Variants in MYH1 observed in about 807,000 individuals in gnomAD.
MYH1 encodes myosin heavy chain 1.
Under a neutral mutation model 225.6 loss-of-function variants are expected in MYH1, and 214 were observed. The observed-to-expected ratio is 0.95, with a 90% CI of 0.85 to 1.06. The LOEUF (loss-of-function observed/expected upper bound fraction) is 1.06, where lower values mean the gene tolerates loss of function less well. Ranked by LOEUF, MYH1 falls within the 50% of genes least tolerant of loss-of-function variation. The probability of loss-of-function intolerance (pLI) is 0.00; values close to 1 mark genes in which losing one functional copy is unlikely to be tolerated. For synonymous variants in MYH1, 774 were observed against 842.3 expected, an observed-to-expected ratio of 0.92 and a Z score of 1.40; for missense variants, 2,098 against 2,344.2, an observed-to-expected ratio of 0.89 and a Z score of 2.17.
Position 10,497,672 on chromosome 17 carries a change from T to C in MYH1, c.4365+62A>G, listed in dbSNP as rs1053864369. On this transcript the variant is annotated intron_variant, in intron 31 of 39. Transcript: ENST00000226207. ...CTCAGATGGTTTGAATTGGGCACAC[T>C]GAAGGTAGCAGGCTATTGTTAATTC... 7.5e-6 allele frequency: 12 copies of C among 1,596,848 alleles called. No homozygotes were observed. The African/African-American group carries it at 1.3e-4, about 18-fold the overall frequency.
Position 10,514,903 on chromosome 17 carries a change from A to G in MYH1, c.506-8T>C. 1 of 1,612,316 alleles carries G rather than the reference A, an allele frequency of 6.2e-7. No individual in the cohort carries two copies. Among genetic ancestry groups the G allele is most frequent in the Non-Finnish European group, 8.5e-7 (1 of 1,178,672 alleles). Reference sequence around the variant, plus strand: ...TAGACTGATTCTCCCGATCTAGAAGAAAAACAGTGGAAAATCAGCATATGT... The same window carrying G: ...TAGACTGATTCTCCCGATCTAGAAGGAAAACAGTGGAAAATCAGCATATGT... On this transcript the variant is annotated splice_polypyrimidine_tract_variant and splice_region_variant and intron_variant, in intron 5 of 39. Coordinates refer to ENST00000226207, the MANE Select transcript of MYH1 (RefSeq NM_005963.4).
At position 10,513,861 on chromosome 17, in the gene MYH1, C is replaced by T; in HGVS notation, c.701G>A (p.Gly234Asp). 1 of 1,614,142 alleles carries T rather than the reference C, an allele frequency of 6.2e-7. No homozygotes were observed. Among genetic ancestry groups the T allele is most frequent in the Non-Finnish European group, 8.5e-7 (1 of 1,180,002 alleles). Reference sequence around the variant, plus strand: ...GTCATTCCTCACGGTCTTGGCGTTGCCAAAGGCCTCCAGTAGGGGGTTGGC... The same window carrying T: ...GTCATTCCTCACGGTCTTGGCGTTGTCAAAGGCCTCCAGTAGGGGGTTGGC... Reference protein sequence around the residue: ...ISANPLLEAFGNAKTVRNDNS... With the variant: ...ISANPLLEAFDNAKTVRNDNS... Residue 234 changes from glycine to aspartate, a missense_variant, in exon 8 of 40, where the codon GGC becomes GAC. Coordinates refer to ENST00000226207, the MANE Select transcript of MYH1 (RefSeq NM_005963.4).
Position 10,496,279 on chromosome 17 carries a change from C to A in MYH1, c.4927G>T (p.Ala1643Ser), listed in dbSNP as rs757040802. ...LNHANRMAAEALRNYRNTQAI... is the reference protein window; with the variant it reads ...LNHANRMAAESLRNYRNTQAI... ...TGGGTGTTCCTATAGTTCCTCAGGGCCTCAGCAGCCATGCGGTTGGCATGG... is the reference window on the plus strand; with the variant it reads ...TGGGTGTTCCTATAGTTCCTCAGGGACTCAGCAGCCATGCGGTTGGCATGG... The change falls in exon 34 of 40, where the codon GCC becomes TCC. Residue 1643 changes from alanine to serine, a missense_variant. Transcript: ENST00000226207. 6.8e-6 allele frequency: 11 copies of A among 1,614,122 alleles called. No homozygotes were observed. The East Asian group carries it at 2.5e-4, about 36-fold the overall frequency.
rs2073011318 is a variant in MYH1 at position 10,497,736 on chromosome 17, T to A, written c.4363A>T (p.Lys1455Ter). ...ALDKKQRNFD[K>*]ILAEWKQKCE... ...GAAGCAAAAACTGGAGAGAATACCT[T>A]ATCAAAGTTCCTTTGCTTTTTGTCC... The change falls in exon 31 of 40, where the codon AAG becomes TAG. Residue 1455 changes from lysine to a stop codon, truncating the protein, a stop_gained and splice_region_variant. Coordinates refer to ENST00000226207, the MANE Select transcript of MYH1 (RefSeq NM_005963.4). LOFTEE classifies it high-confidence loss of function. 1 of 1,613,758 alleles carries A rather than the reference T, an allele frequency of 6.2e-7. No homozygotes were observed. Among genetic ancestry groups the A allele is most frequent in the Non-Finnish European group, 8.5e-7 (1 of 1,179,976 alleles).
Position 10,499,029 on chromosome 17 carries a change from T to C in MYH1, c.3929A>G (p.Gln1310Arg), listed in dbSNP as rs1158696276. The C allele has an allele frequency of 6.2e-7, 1 of 1,614,230 alleles. No homozygotes were observed. Residue 1310 changes from glutamine to arginine, a missense_variant, in exon 29 of 40, where the codon CAA (glutamine) becomes CGA (arginine). Gln to Arg is a conservative substitution (Grantham distance 43). Transcript: ENST00000226207. Reference sequence around the variant, plus strand: ...TTCCTCAATCTGTTGTGTAAAGGCTTGTTTGCCCCTCGAGAGCTGTGAAAC... The same window carrying C: ...TTCCTCAATCTGTTGTGTAAAGGCTCGTTTGCCCCTCGAGAGCTGTGAAAC... ...TLVSQLSRGK[Q>R]AFTQQIEELK... is the part of the protein sequence containing the mutation.
Position 10,498,694 on chromosome 17 carries a change from CT to C in MYH1, c.4112del (p.Glu1371GlyfsTer38), listed in dbSNP as rs1367855240. ...CATATTTGGTCCTCCACTGGGCAAC[CT>C]CACTGTTGGCCTTGGACATTGCTCT... ...LQRAMSKANS[E>X]VAQWRTKYET... On this transcript the variant is annotated frameshift_variant, in exon 30 of 40. Transcript: ENST00000226207. LOFTEE classifies it high-confidence loss of function. The C allele has an allele frequency of 6.2e-7, 1 of 1,613,922 alleles. No individual in the cohort carries two copies. Among genetic ancestry groups the C allele is most frequent in the African/African-American group, 1.3e-5 (1 of 74,936 alleles).
intron 37 of MYH1, 58 bp downstream of exon 37, chr17:10,494,873 T>G (rs1327774139): frequency 1.2e-6 from 2 of 1,613,780 alleles, no homozygotes; most frequent in Non-Finnish European, 1.7e-6. Flanking sequence ...TGCTAGGTAT[T>G]CAGAATCGTG....
intron 5 of MYH1, 79 bp downstream of exon 5, chr17:10,515,847 A>G: frequency 6.2e-7 from 1 of 1,606,010 alleles, no homozygotes. Flanking sequence ...GTTTTTTTCT[A>G]AAGGTCTTTT....
rs1313001390 is a variant in MYH1 at position 10,495,275 on chromosome 17, T to A, written c.5212A>T (p.Ile1738Phe). The part of the protein sequence containing the change: ...INTKKKLETD[I>F]SQIQGEMEDI... ...TCCATCTCTCCCTGGATTTGGGAAATGTCTGTCTCCAGCTTCTTCTTGGTG... is the reference window on the plus strand; with the variant it reads ...TCCATCTCTCCCTGGATTTGGGAAAAGTCTGTCTCCAGCTTCTTCTTGGTG... Residue 1738 changes from isoleucine (I) to phenylalanine (F), a missense_variant, in exon 36 of 40, where the codon ATT becomes TTT. By Grantham distance (21) the Ile-to-Phe change is conservative. Coordinates refer to ENST00000226207, the MANE Select transcript of MYH1 (RefSeq NM_005963.4). 6.2e-7 allele frequency: 1 copy of A among 1,614,204 alleles called. No homozygotes were observed. Among genetic ancestry groups the A allele is most frequent in the South Asian group, 1.1e-5 (1 of 91,080 alleles).
intron 28 of MYH1, among the ~76,000 whole-genome samples, chr17:10,500,024 T>C (rs1308129809): frequency 6.6e-6 from 1 of 152,184 alleles, no homozygotes; most frequent in East Asian, 1.9e-4. Context: ...CAAATCTTAC[T>C]TGAATGCTTC....
rs1184670282 is a variant in MYH1, at chr17:10,501,460, G to A, written c.3388C>T (p.Arg1130Trp). The A allele has an allele frequency of 1.2e-6, 2 of 1,614,218 alleles. No individual in the cohort carries two copies. Among genetic ancestry groups the A allele is most frequent in the Non-Finnish European group, 8.5e-7 (1 of 1,180,042 alleles). The part of the protein sequence containing the change: ...EELEEEIEAE[R>W]ASRAKAEKQR... ...TTCTCTGCTTTGGCCCGGGAGGCCCGCTCTGCCTCGATTTCCTCCTCCAGC... is the reference window on the plus strand; with the variant it reads ...TTCTCTGCTTTGGCCCGGGAGGCCCACTCTGCCTCGATTTCCTCCTCCAGC... Residue 1130 changes from arginine to tryptophan, a missense_variant, in exon 27 of 40, where the codon CGG becomes TGG. Physicochemically the swap from Arg to Trp is moderately radical, Grantham distance 101. Transcript: ENST00000226207.
At chr17:10,497,027 T>C (rs200679259) in intron 33 of MYH1, 42 bp downstream of exon 33, 36 of 1,589,988 alleles carry the variant, frequency 2.3e-5, no homozygotes, top group Non-Finnish European at 3.0e-5. Flanking sequence ...TAGACCCCAA[T>C]TCCTCTTCTA....
chr17:10,504,294 C>T (rs920412392), intron 22 of MYH1, among the ~76,000 whole-genome samples: 1 of 152,210 alleles, frequency 6.6e-6, no homozygotes, highest in Admixed American at 6.5e-5. Flanking sequence ...CTGTGGAAGG[C>T]ATTGCCATTA....
intron 9 of MYH1, 96 bp downstream of exon 9, chr17:10,513,530 G>T: frequency 8.2e-7 from 1 of 1,218,604 alleles, no homozygotes; most frequent in Non-Finnish European, 1.2e-6. Context: ...GCAGACTGGT[G>T]CTTTACAAGC....
Position 10,496,304 on chromosome 17 carries a change from G to A in MYH1, c.4902C>T (p.Asn1634=), listed in dbSNP as rs776303869. The A allele has an allele frequency of 7.4e-6, 12 of 1,614,082 alleles. No individual in the cohort carries two copies. The highest frequency in any genetic ancestry group is 6.7e-5 in the African/African-American group (5 of 74,998). Residue 1634 remains asparagine, a synonymous_variant, in exon 34 of 40, where the codon AAC becomes AAT. Transcript: ENST00000226207. ...CCTCAGCAGCCATGCGGTTGGCATGGTTCAGCTGGATTTCCATTTCATTGA... is the reference window on the plus strand; with the variant it reads ...CCTCAGCAGCCATGCGGTTGGCATGATTCAGCTGGATTTCCATTTCATTGA... ...GDLNEMEIQL[N]HANRMAAEAL...
rs753592333 is a variant in MYH1 at position 10,494,466 on chromosome 17, A to G, written c.5572-17T>C. 2 of 1,612,190 alleles carry G rather than the reference A, an allele frequency of 1.2e-6. No homozygotes were observed. The highest frequency in any genetic ancestry group is 1.7e-6 in the Non-Finnish European group (2 of 1,179,446). On this transcript the variant is annotated splice_polypyrimidine_tract_variant and intron_variant, in intron 38 of 39. Coordinates refer to ENST00000226207, the MANE Select transcript of MYH1 (RefSeq NM_005963.4). ...TTCCTCAGTCTGAAATAATGTTTTC[A>G]AGAGTAAGTTTCTTGAAAGTACAAA...
chr17:10,502,845 C>G lies in MYH1; in HGVS notation c.3004G>C (p.Ala1002Pro). The G allele has an allele frequency of 6.2e-7, 1 of 1,614,042 alleles. No individual in the cohort carries two copies. The highest frequency in any genetic ancestry group is 8.5e-7 in the Non-Finnish European group (1 of 1,180,024). The change falls in exon 24 of 40, where the codon GCT becomes CCT. Residue 1002 changes from alanine (A) to proline (P), a missense_variant. Transcript: ENST00000226207. The stretch of plus-strand genomic sequence containing the variant: ...GTCTGCTGGTGGGCCTCCTGGAGAG[C>G]CTTCTTCTCCTTGGTCAGCTTAGCA... ...TIAKLTKEKK[A>P]LQEAHQQTLD...
intron 17 of MYH1, among the ~76,000 whole-genome samples, chr17:10,506,826 G>T (rs1463111737): frequency 6.6e-6 from 1 of 152,094 alleles, no homozygotes; most frequent in Admixed American, 6.5e-5. Context: ...ACTTTCACTT[G>T]TATCTGTGTG....
rs776391656 is a variant in MYH1, at chr17:10,498,636, C to T, written c.4171G>A (p.Glu1391Lys). ...AAGTCTGGAACATACTTGGCCTCCT[C>T]CAGCTCCTCTGTGCGCTGGATGGCA... ...TDAIQRTEEL[E>K]EAKKKLAQRL... Residue 1391 changes from glutamate (E) to lysine (K), a missense_variant, in exon 30 of 40, where the codon GAG (glutamate) becomes AAG (lysine). Glu to Lys is a moderately conservative substitution (Grantham distance 56). Transcript: ENST00000226207. 9.3e-6 allele frequency: 15 copies of T among 1,614,028 alleles called. No homozygotes were observed. In the South Asian group the frequency reaches 1.1e-4, roughly 12 times the overall value.
Sources: allele counts gnomAD v4.1 joint callset (sites outside exome capture counted in the v4.1 genomes callset), GRCh38; gene constraint gnomAD v4.1.1; transcripts MANE v1.5; gene names NCBI Gene and HGNC (gene_info 2026-07-23, HGNC 2026-07-21).